PCDH15: variants seen among roughly 807,000 people sequenced by gnomAD.
PCDH15 encodes protocadherin related 15.
Under a neutral mutation model 178.5 loss-of-function variants are expected in PCDH15, and 129 were observed. The ratio of observed to expected loss-of-function variants is 0.72; its 90% confidence interval spans 0.63 to 0.84. PCDH15 has a LOEUF of 0.84. Among genes scored for constraint, PCDH15 ranks in the 40% least tolerant of loss-of-function variants. The probability of loss-of-function intolerance (pLI) is 0.00; values close to 1 mark genes in which losing one functional copy is unlikely to be tolerated. For missense variants in PCDH15, 2,230 were observed against 2,099.9 expected (o/e 1.06, Z -1.21); for synonymous variants, 800 against 732.0 (o/e 1.09, Z -1.50).
chr10:54,034,534 T>C (rs1036059391), intron 18 of PCDH15, among the ~76,000 whole-genome samples: 3 of 151,990 alleles, frequency 2.0e-5, no homozygotes, highest in African/African-American at 7.2e-5. Flanking sequence ...TGTTTTCTAA[T>C]GTCTTGTCCA....
intron 25 of PCDH15, among the ~76,000 whole-genome samples, chr10:53,915,974 C>G (rs1241253955): frequency 2.6e-5 from 4 of 152,164 alleles, no homozygotes; most frequent in Non-Finnish European, 5.9e-5. Flanking sequence ...GGACCCCCTT[C>G]TGATACCAGA....
intron 5 of PCDH15, among the ~76,000 whole-genome samples, chr10:54,363,400 T>G (rs2134553853): frequency 6.6e-6 from 1 of 152,302 alleles, no homozygotes; most frequent in Non-Finnish European, 1.5e-5. Flanking sequence ...GCAAAAATTC[T>G]AATACTACCA....
intron 25 of PCDH15, among the ~76,000 whole-genome samples, chr10:53,906,025 C>T (rs894723448): frequency 6.6e-6 from 1 of 151,912 alleles, no homozygotes; most frequent in Non-Finnish European, 1.5e-5. Flanking sequence ...TCATTTAGTT[C>T]TTTTCACAAA....
chr10:54,373,173 T>C (rs960658626), intron 4 of PCDH15, among the ~76,000 whole-genome samples: 20 of 151,866 alleles, frequency 1.3e-4, no homozygotes, highest in African/African-American at 4.8e-4. Context: ...AGAAACCAAA[T>C]GATTTGGAAG....
Position 53,959,618 on chromosome 10 carries a change from C to A in PCDH15, c.3122+114G>T, listed in dbSNP as rs145585939. On this transcript the variant is annotated intron_variant, in intron 23 of 37. Transcript: ENST00000644397. ...ATATTTTATGTTAATTTAGAAACGC[C>A]TAAACCAAAATTGGAAGTCTACTCA... The A allele has an allele frequency of 1.0e-3, 789 of 778,262 alleles. 2 individuals are homozygous for A. In the African/African-American group the frequency reaches 0.013, roughly 12 times the overall value. 48.2% of individuals were successfully genotyped at this position (778,262 alleles called of 1,614,324 possible).
intron 2 of PCDH15, among the ~76,000 whole-genome samples, chr10:55,154,769 A>G (rs1429351714): frequency 6.6e-6 from 1 of 152,134 alleles, no homozygotes; most frequent in Non-Finnish European, 1.5e-5. Context: ...ACATTTAAGA[A>G]CTGCTAGGAT....
intron 26 of PCDH15, among the ~76,000 whole-genome samples, chr10:53,875,077 T>C (rs1166996155): frequency 6.6e-6 from 1 of 151,500 alleles, no homozygotes; most frequent in African/African-American, 2.4e-5. Context: ...GAGTTTAGAA[T>C]GAAAATTTTG....
chr10:54,427,048 CAAGAT>C (rs1464033919), intron 3 of PCDH15, among the ~76,000 whole-genome samples: 18 of 151,640 alleles, frequency 1.2e-4, no homozygotes, highest in African/African-American at 4.4e-4. Context: ...ATAACCATAT[CAAGAT>C]AAGGTTAGAT....
intron 2 of PCDH15, among the ~76,000 whole-genome samples, chr10:55,134,018 T>C (rs1838126769): frequency 6.6e-6 from 1 of 152,210 alleles, no homozygotes; most frequent in Admixed American, 6.5e-5. Flanking sequence ...AAATTTAATA[T>C]AAATCATGTC....
intron 6 of PCDH15, among the ~76,000 whole-genome samples, chr10:54,345,165 T>C (rs1588944606): frequency 6.6e-6 from 1 of 151,882 alleles, no homozygotes; most frequent in Admixed American, 6.6e-5. Context: ...GAGATAATAC[T>C]ACTTTTAACT....
At chr10:55,392,092 G>A (rs1459245217) in intron 2 of PCDH15, among the ~76,000 whole-genome samples, 2 of 152,050 alleles carry the variant, frequency 1.3e-5, no homozygotes, top group African/African-American at 4.8e-5. Context: ...TATTTATTAC[G>A]TTCAGTCTTA....
At chr10:54,732,755 C>G (rs899190410) in intron 1 of PCDH15, among the ~76,000 whole-genome samples, 1 of 151,478 alleles carries the variant, frequency 6.6e-6, no homozygotes, top group Non-Finnish European at 1.5e-5. Flanking sequence ...GAACTAATCT[C>G]TCTCATGAGC....
chr10:54,033,994 A>T (rs1171092767), intron 18 of PCDH15, among the ~76,000 whole-genome samples: 1 of 151,888 alleles, frequency 6.6e-6, no homozygotes, highest in African/African-American at 2.4e-5. Flanking sequence ...ATTGTCTCAC[A>T]AATCATTTTC....
chr10:53,997,767 T>A (rs2091925079), intron 20 of PCDH15, among the ~76,000 whole-genome samples: 1 of 152,218 alleles, frequency 6.6e-6, no homozygotes, highest in African/African-American at 2.4e-5. Flanking sequence ...CACCTAAGAC[T>A]GTAAATGACT....
intron 10 of PCDH15, among the ~76,000 whole-genome samples, chr10:54,203,786 T>A (rs1019831230): frequency 2.0e-5 from 3 of 152,166 alleles, no homozygotes; most frequent in Non-Finnish European, 2.9e-5. Context: ...GGCTGCATAT[T>A]GATCTTTATA....
intron 9 of PCDH15, among the ~76,000 whole-genome samples, chr10:54,222,236 G>A (rs1448249522): frequency 4.6e-5 from 7 of 152,162 alleles, no homozygotes; most frequent in Non-Finnish European, 8.8e-5. Context: ...TTTTTGGGCA[G>A]GGAACAAGTC....
chr10:54,290,453 A>G (rs1342092149), intron 8 of PCDH15, among the ~76,000 whole-genome samples: 2 of 152,258 alleles, frequency 1.3e-5, no homozygotes, highest in African/African-American at 4.8e-5. Flanking sequence ...GCCAAATTGT[A>G]AAGACCATGG....
At chr10:54,965,845 T>C (rs1191933788) in intron 2 of PCDH15, among the ~76,000 whole-genome samples, 3 of 150,942 alleles carry the variant, frequency 2.0e-5, no homozygotes, top group Non-Finnish European at 4.4e-5. Flanking sequence ...TGAAAAACAA[T>C]ACCAAAATCA....
intron 2 of PCDH15, among the ~76,000 whole-genome samples, chr10:54,643,349 C>A (rs1204246694): frequency 6.6e-6 from 1 of 152,156 alleles, no homozygotes; most frequent in Non-Finnish European, 1.5e-5. Flanking sequence ...AAAGGATGCT[C>A]ACCAAATACT....
Sources: gnomAD v4.1 joint callset for allele counts (sites outside exome capture counted in the v4.1 genomes callset) on GRCh38, gnomAD v4.1.1 for gene constraint, MANE v1.5 for transcripts, NCBI Gene and HGNC (gene_info 2026-07-23, HGNC 2026-07-21) for gene names.